TBC1D16: variants seen among roughly 807,000 people sequenced by gnomAD.
The protein encoded by TBC1D16 is TBC1 domain family member 16.
A neutral mutation model predicts 74.7 loss-of-function variants in TBC1D16; 58 were observed. That is an observed-to-expected ratio of 0.78 (90% CI 0.63 to 0.97). The LOEUF (loss-of-function observed/expected upper bound fraction) is 0.97, where lower values mean the gene tolerates loss of function less well. Ranked by LOEUF, TBC1D16 falls within the 50% of genes least tolerant of loss-of-function variation. The probability of loss-of-function intolerance (pLI) is 0.00; values close to 1 mark genes in which losing one functional copy is unlikely to be tolerated. For synonymous variants in TBC1D16, 493 were observed against 474.7 expected, an observed-to-expected ratio of 1.04 and a Z score of -0.50; for missense variants, 1,014 against 1,079.5, an observed-to-expected ratio of 0.94 and a Z score of 0.85.
At chr17:79,974,238 AT>A (rs35105621) in intron 3 of TBC1D16, among the ~76,000 whole-genome samples, 76,820 of 151,142 alleles carry the variant, frequency 0.51, 19,821 homozygotes, top group African/African-American at 0.6. Context: ...TTTCCATTTA[AT>A]TTTTTTTTTC....
chr17:80,031,511 G>A (rs1044874194), intron 1 of TBC1D16, among the ~76,000 whole-genome samples: 9 of 152,008 alleles, frequency 5.9e-5, no homozygotes, highest in African/African-American at 9.7e-5. Context: ...TCACCAAAAC[G>A]GTGGTGAGGG....
Position 79,980,100 on chromosome 17 carries a change from G to A in TBC1D16, c.780-27282C>T, listed in dbSNP as rs867181766. Among the ~76,000 whole-genome samples, 1 of 152,256 alleles carries A rather than the reference G, an allele frequency of 6.6e-6. No individual in the cohort carries two copies. The highest frequency in any genetic ancestry group is 1.9e-4 in the East Asian group (1 of 5,168). ...GGCCGCGAGGTTCATCTGGGCCTCC[G>A]AGCCTCCCAGCGCATCCCACTGCTC... On this transcript the variant is annotated intron_variant, in intron 3 of 11. Transcript: ENST00000310924. The surrounding 1 kb of genome is among the most constrained non-coding windows in gnomAD (Gnocchi z 7.0).
In TBC1D16 at chr17:80,001,847, C is replaced by T. The variant is rs931715577; in HGVS notation, c.779+8313G>A. On this transcript the variant is annotated intron_variant, in intron 3 of 11. Coordinates refer to ENST00000310924, the MANE Select transcript of TBC1D16 (RefSeq NM_019020.4). This position sits in a 1 kb window ranked among gnomAD's most constrained non-coding sequence, Gnocchi z 5.8. ...ACCCTCTCACATGCCCTTCCCTCCA[C>T]CCCCCGCCTCCTGCTCCCTTCCTCA... 6.6e-6 allele frequency among the ~76,000 whole-genome samples: 1 copy of T among 151,798 alleles called. No individual in the cohort carries two copies. Among genetic ancestry groups the T allele is most frequent in the Non-Finnish European group, 1.5e-5 (1 of 67,946 alleles).
chr17:79,969,443 A>G (rs1183266265), intron 3 of TBC1D16, among the ~76,000 whole-genome samples: 1 of 152,166 alleles, frequency 6.6e-6, no homozygotes, highest in Non-Finnish European at 1.5e-5. Context: ...ACCACTCCAC[A>G]CCCACTGGGA....
intron 3 of TBC1D16, among the ~76,000 whole-genome samples, chr17:79,999,533 CTTTTTTTTTTTTT>C (rs71163906): frequency 1.3e-5 from 1 of 76,460 alleles, no homozygotes; most frequent in African/African-American, 5.3e-5. Flanking sequence ...CCCCAAATTT[CTTTTTTTTTTTTT>C]TTTTTTTTTT....
chr17:79,943,852 C>T, intron 10 of TBC1D16: 1 of 1,384,426 alleles, frequency 7.2e-7, no homozygotes, highest in East Asian at 2.8e-5. Flanking sequence ...GGCGGCAAAT[C>T]TGCCACTGGG....
At chr17:80,013,102 G>A (rs1317359141) in intron 2 of TBC1D16, among the ~76,000 whole-genome samples, 1 of 152,248 alleles carries the variant, frequency 6.6e-6, no homozygotes, top group Non-Finnish European at 1.5e-5. Flanking sequence ...CGAATGACAA[G>A]GGGCCAGGCA....
intron 1 of TBC1D16, among the ~76,000 whole-genome samples, chr17:80,029,106 C>A (rs2036687257): frequency 6.6e-6 from 1 of 152,224 alleles, no homozygotes; most frequent in African/African-American, 2.4e-5. Context: ...CAGAAACCTG[C>A]AACTCTTTAA....
At chr17:79,945,259 G>GA (rs1333164941) in intron 9 of TBC1D16, among the ~76,000 whole-genome samples, 172 bp from the exon 10 acceptor site, 1 of 152,204 alleles carries the variant, frequency 6.6e-6, no homozygotes, top group Non-Finnish European at 1.5e-5. Flanking sequence ...TCCGCCGCTG[G>GA]AATCGGCTCA....
In TBC1D16 at chr17:80,028,627, A is replaced by ATT. The variant is rs139546060; in HGVS notation, c.-63+7166_-63+7167dup. ...CAGACCGGGGCATGATGACCAGTTG[A>ATT]TTTTTTTTTTTTTTGAGACAGAGTC... On this transcript the variant is annotated intron_variant, in intron 1 of 11. Transcript: ENST00000310924. Among the ~76,000 whole-genome samples, 755 of 142,266 alleles carry ATT rather than the reference A, an allele frequency of 5.3e-3. 4 individuals are homozygous for ATT. The highest frequency in any genetic ancestry group is 0.018 in the African/African-American group (684 of 38,622). 93.3% of individuals were successfully genotyped at this position (142,266 alleles called of 152,430 possible). A position where few individuals can be genotyped will look rare whatever the true frequency, so the allele number is the denominator to read the frequency against.
intron 3 of TBC1D16, among the ~76,000 whole-genome samples, chr17:80,006,297 C>T (rs2035677641): frequency 6.6e-6 from 1 of 152,150 alleles, no homozygotes; most frequent in Non-Finnish European, 1.5e-5. Context: ...TTCAGAAACC[C>T]CCAGGAAGTT....
At position 79,986,859 on chromosome 17, in the gene TBC1D16, G is replaced by C. The variant is rs1047505758; in HGVS notation, c.779+23301C>G. ...GAGAAGCCTGAGGCCGGGCCGGTGG[G>C]AGGGCGTGATGCATGGGAGGAGCTG... On this transcript the variant is annotated intron_variant, in intron 3 of 11. Transcript: ENST00000310924. This position sits in a 1 kb window ranked among gnomAD's most constrained non-coding sequence, Gnocchi z 6.0. Among the ~76,000 whole-genome samples the C allele has an allele frequency of 2.0e-5, 3 of 152,220 alleles. No individual in the cohort carries two copies. Among genetic ancestry groups the C allele is most frequent in the African/African-American group, 7.2e-5 (3 of 41,454 alleles).
intron 3 of TBC1D16, among the ~76,000 whole-genome samples, chr17:79,973,881 C>T (rs1193042036): frequency 6.6e-6 from 1 of 152,076 alleles, no homozygotes; most frequent in Non-Finnish European, 1.5e-5. Context: ...AAAACCCTCC[C>T]CCAAAACAAT....
At position 79,944,055 on chromosome 17, in the gene TBC1D16, T is replaced by C. The variant is rs551117946; in HGVS notation, c.1908+853A>G. 408 of 1,535,888 alleles carry C rather than the reference T, an allele frequency of 2.7e-4. 1 individual carries two copies. The highest frequency in any genetic ancestry group is 2.3e-3 in the East Asian group (95 of 40,884). ...CCGATGACCGCATGCAAAGGCGGCGTGTGGTACCGGCACTCGGTGGCTTCA... is the reference window on the plus strand; with the variant it reads ...CCGATGACCGCATGCAAAGGCGGCGCGTGGTACCGGCACTCGGTGGCTTCA... On this transcript the variant is annotated intron_variant, in intron 10 of 11. Transcript: ENST00000310924. The surrounding 1 kb of genome is among the most constrained non-coding windows in gnomAD (Gnocchi z 7.7).
rs1313174024 is a variant in TBC1D16, at chr17:80,010,114, GC to G, written c.779+45del. 2 of 1,512,264 alleles carry G rather than the reference GC, an allele frequency of 1.3e-6. No individual in the cohort carries two copies. The highest frequency in any genetic ancestry group is 4.6e-5 in the East Asian group (2 of 43,942). The allele number at this position is 1,512,264 out of a possible 1,614,324, so 93.7% of individuals were successfully genotyped here. Reference sequence around the variant, plus strand: ...GGTGAGTGCTTCCTGCCCAGGTCAGGCCTTGGGGGCCTCCCGAGAGCCCACG... The same window carrying G: ...GGTGAGTGCTTCCTGCCCAGGTCAGGCTTGGGGGCCTCCCGAGAGCCCACG... On this transcript the variant is annotated intron_variant, in intron 3 of 11. Transcript: ENST00000310924. This position sits in a 1 kb window ranked among gnomAD's most constrained non-coding sequence, Gnocchi z 8.8.
chr17:79,951,329 T>C, intron 5 of TBC1D16, 121 bp downstream of exon 5: 2 of 1,257,364 alleles, frequency 1.6e-6, no homozygotes, highest in Non-Finnish European at 2.2e-6. Context: ...CTACCGTGGG[T>C]CACACCCCGT....
chr17:80,030,670 TCAGCAGGACAGAC>T (rs1329567176), intron 1 of TBC1D16, among the ~76,000 whole-genome samples: 1 of 152,154 alleles, frequency 6.6e-6, no homozygotes, highest in African/African-American at 2.4e-5. Flanking sequence ...GATGCAGCAG[TCAGCAGGACAGAC>T]CTGGTCCTGG....
rs143949335 is a variant in TBC1D16 at position 79,980,099 on chromosome 17, C to T, written c.780-27281G>A. 4.0e-3 allele frequency among the ~76,000 whole-genome samples: 609 copies of T among 152,262 alleles called. 5 individuals are homozygous for T. Among genetic ancestry groups the T allele is most frequent in the African/African-American group, 0.014 (571 of 41,546 alleles). On this transcript the variant is annotated intron_variant, in intron 3 of 11. Coordinates refer to ENST00000310924, the MANE Select transcript of TBC1D16 (RefSeq NM_019020.4). The surrounding 1 kb of genome is among the most constrained non-coding windows in gnomAD (Gnocchi z 7.0). ...TGGCCGCGAGGTTCATCTGGGCCTC[C>T]GAGCCTCCCAGCGCATCCCACTGCT... is the stretch of plus-strand genomic sequence containing the variant.
chr17:79,950,604 G>T lies in TBC1D16; in HGVS notation c.1090-26C>A. On this transcript the variant is annotated intron_variant, in intron 5 of 11. Transcript: ENST00000310924. The surrounding 1 kb of genome is among the most constrained non-coding windows in gnomAD (Gnocchi z 4.6). ...CTGGACGGGAGGAAAACTGGGCAAA[G>T]GTCAGGATCTCAGCCGCGCGGCTTC... The T allele has an allele frequency of 3.1e-6, 5 of 1,606,882 alleles. No homozygotes were observed. The highest frequency in any genetic ancestry group is 4.2e-6 in the Non-Finnish European group (5 of 1,176,658).
Sources: allele counts gnomAD v4.1 joint callset (sites outside exome capture counted in the v4.1 genomes callset), GRCh38; gene constraint gnomAD v4.1.1; non-coding constraint Gnocchi (gnomAD v3.1); transcripts MANE v1.5; gene names NCBI Gene and HGNC (gene_info 2026-07-23, HGNC 2026-07-21).